Variants in MATN3 observed in about 807,000 individuals in gnomAD.
The protein encoded by MATN3 is matrilin-3.
In MATN3, 48 loss-of-function variants were observed where a neutral mutation model predicts 45.3. That is an observed-to-expected ratio of 1.06 (90% CI 0.84 to 1.35). The LOEUF is 1.35. MATN3 is among the 40% of genes most tolerant of loss of function. The pLI, the probability that MATN3 is intolerant of heterozygous loss-of-function variation, is 0.00. For synonymous variants in MATN3, 217 were observed against 245.9 expected (o/e 0.88, Z 1.10); for missense variants, 599 against 628.0 (o/e 0.95, Z 0.49).
chr2:19,997,463 A>C, intron 5 of MATN3: 1 of 476,792 alleles, frequency 2.1e-6, no homozygotes, highest in South Asian at 3.0e-5. Context: ...CATCACACAC[A>C]CTCCTTTCCT....
In MATN3 at chr2:20,012,376, T is replaced by A. The variant is rs904278481; in HGVS notation, c.223+33A>T. 101 of 1,222,030 alleles carry A rather than the reference T, an allele frequency of 8.3e-5. No homozygotes were observed. The highest frequency in any genetic ancestry group is 9.6e-5 in the Non-Finnish European group (94 of 980,442). The allele number at this position is 1,222,030 out of a possible 1,614,324, so 75.7% of individuals were successfully genotyped here. ...ATGCCCTGGGCTTCTCCTCGTTCGA[T>A]GCTCACGCGTCCCTCCCGCCGCCCG... On this transcript the variant is annotated intron_variant, in intron 1 of 7. Transcript: ENST00000407540. This position sits in a 1 kb window ranked among gnomAD's most constrained non-coding sequence, Gnocchi z 4.3.
rs1673100628 is a variant in MATN3, at chr2:20,006,084, C to T, written c.450G>A (p.Val150=). ...CTGTTGACAAGGGTGTGATTCGACC[C>T]ACGGCCTGCTTCAGGGACTGCTTAT... ...YTDKQSLKQA[V]GRITPLSTGT... is the part of the protein sequence containing the mutation. Residue 150 remains valine, a synonymous_variant, in exon 2 of 8, where the codon GTG becomes GTA. Transcript: ENST00000407540. 2 of 1,613,998 alleles carry T rather than the reference C, an allele frequency of 1.2e-6. No individual in the cohort carries two copies. The highest frequency in any genetic ancestry group is 1.7e-6 in the Non-Finnish European group (2 of 1,179,886).
intron 7 of MATN3, 29 bp downstream of exon 7, chr2:19,994,270 A>G: frequency 6.8e-7 from 1 of 1,478,264 alleles, no homozygotes; most frequent in Non-Finnish European, 9.4e-7. Flanking sequence ...GGCTCCAGGC[A>G]GAAGGAGAAA....
chr2:19,997,976 G>A (rs909737529), intron 5 of MATN3: 6 of 152,202 alleles, frequency 3.9e-5, no homozygotes, highest in Non-Finnish European at 7.3e-5. Context: ...AAATAAAACA[G>A]TAATTCTCCT....
chr2:20,005,613 C>T (rs1008312162), intron 2 of MATN3, 131 bp downstream of exon 2: 1 of 756,990 alleles, frequency 1.3e-6, no homozygotes, highest in Non-Finnish European at 2.1e-6. Context: ...CGTGCACACA[C>T]ACACACGCAT....
At position 20,009,477 on chromosome 2, in the gene MATN3, CA is replaced by C. The variant is rs1354627979; in HGVS notation, c.223+2931del. 2.0e-5 allele frequency among the ~76,000 whole-genome samples: 3 copies of C among 152,060 alleles called. No homozygotes were observed. The East Asian group carries it at 5.8e-4, about 29-fold the overall frequency. On this transcript the variant is annotated intron_variant, in intron 1 of 7. Coordinates refer to ENST00000407540, the MANE Select transcript of MATN3 (RefSeq NM_002381.5). ...GGGAACATCACACACCAGCGCCTGT[CA>C]GGGGGTGGGGGGCAAGAGGAGGGAG...
intron 1 of MATN3, among the ~76,000 whole-genome samples, chr2:20,011,346 C>A (rs947304207): frequency 1.3e-5 from 2 of 152,254 alleles, no homozygotes; most frequent in African/African-American, 4.8e-5. Context: ...CAGCCACCAG[C>A]TGAATCTAGC....
intron 1 of MATN3, among the ~76,000 whole-genome samples, chr2:20,007,611 G>C (rs926980428): frequency 6.6e-6 from 1 of 152,224 alleles, no homozygotes; most frequent in Non-Finnish European, 1.5e-5. Context: ...TGTCTCGTAA[G>C]AAGCAGGGAT....
intron 4 of MATN3, among the ~76,000 whole-genome samples, chr2:20,001,044 T>C (rs1317869576): frequency 6.6e-6 from 1 of 152,204 alleles, no homozygotes; most frequent in Admixed American, 6.5e-5. Context: ...ACATTTTCAT[T>C]CAATGCACTT....
chr2:19,992,981 A>T lies in MATN3; in HGVS notation c.*130T>A. ...AGATCTTCATACAATTTATCCAGTAATATTCAAGCATTAATACAGATAATG... is the reference window on the plus strand; with the variant it reads ...AGATCTTCATACAATTTATCCAGTATTATTCAAGCATTAATACAGATAATG... On this transcript the variant is annotated 3_prime_UTR_variant, in exon 8 of 8. Transcript: ENST00000407540. The T allele has an allele frequency of 2.8e-6, 2 of 713,734 alleles. No individual in the cohort carries two copies. The highest frequency in any genetic ancestry group is 3.3e-5 in the South Asian group (2 of 60,786). 44.2% of individuals were successfully genotyped at this position (713,734 alleles called of 1,614,324 possible).
At chr2:20,005,684 G>T in intron 2 of MATN3, 60 bp downstream of exon 2, 2 of 1,297,212 alleles carry the variant, frequency 1.5e-6, no homozygotes, top group Non-Finnish European at 2.1e-6. Context: ...CTTTTCTCTG[G>T]GTACACAATG....
At chr2:20,010,674 A>C (rs1673204998) in intron 1 of MATN3, among the ~76,000 whole-genome samples, 3 of 152,208 alleles carry the variant, frequency 2.0e-5, no homozygotes, top group Middle Eastern at 3.2e-3. Context: ...TGGAAAGGGA[A>C]GGGAAATGCA....
At chr2:19,999,284 T>G (rs1173151258) in intron 5 of MATN3, 2 of 152,106 alleles carry the variant, frequency 1.3e-5, no homozygotes, top group African/African-American at 2.4e-5. Flanking sequence ...ATAGGTGAGT[T>G]CTCTCCACCC....
At position 20,001,944 on chromosome 2, in the gene MATN3, C is replaced by T; in HGVS notation, c.1042+11G>A. 1 of 1,612,092 alleles carries T rather than the reference C, an allele frequency of 6.2e-7. No homozygotes were observed. The highest frequency in any genetic ancestry group is 8.5e-7 in the Non-Finnish European group (1 of 1,178,916). Reference sequence around the variant, plus strand: ...CTAAGTAGCAATAGTAAAGACTCCTCCCTCACTTACCTGAACAAGTTTTCC... The same window carrying T: ...CTAAGTAGCAATAGTAAAGACTCCTTCCTCACTTACCTGAACAAGTTTTCC... On this transcript the variant is annotated intron_variant, in intron 4 of 7. Transcript: ENST00000407540.
intron 7 of MATN3, 61 bp downstream of exon 7, chr2:19,994,238 G>C: frequency 1.9e-6 from 2 of 1,033,052 alleles, no homozygotes; most frequent in Non-Finnish European, 3.0e-6. Context: ...AAAGTGTTTG[G>C]CTCGATCGTA....
At position 20,012,314 on chromosome 2, in the gene MATN3, CGGT is replaced by C; in HGVS notation, c.223+92_223+94del. ...GGAGGGGCCTCTTTCCCCCGCACCA[CGGT>C]CGGCCTGAGGCCGGGATGAAGCGCG... On this transcript the variant is annotated intron_variant, in intron 1 of 7. Transcript: ENST00000407540. This position sits in a 1 kb window ranked among gnomAD's most constrained non-coding sequence, Gnocchi z 4.3. The C allele has an allele frequency of 1.0e-6, 1 of 972,170 alleles. No individual in the cohort carries two copies. The highest frequency in any genetic ancestry group is 1.3e-6 in the Non-Finnish European group (1 of 753,506). The allele number at this position is 972,170 out of a possible 1,614,324, so 60.2% of individuals were successfully genotyped here. A position where few individuals can be genotyped will look rare whatever the true frequency, so the allele number is the denominator to read the frequency against.
At chr2:20,007,256 G>A (rs1031621592) in intron 1 of MATN3, among the ~76,000 whole-genome samples, 2 of 151,564 alleles carry the variant, frequency 1.3e-5, no homozygotes, top group Non-Finnish European at 2.9e-5. Context: ...GCCCGGGCGC[G>A]GTGGCTCACG....
At chr2:19,994,000 G>A (rs1475226519) in intron 7 of MATN3, among the ~76,000 whole-genome samples, 1 of 152,162 alleles carries the variant, frequency 6.6e-6, no homozygotes, top group African/African-American at 2.4e-5. Flanking sequence ...CCATATTAAG[G>A]AGTCATTAGC....
chr2:19,996,701 G>A (rs1402600631), intron 6 of MATN3, among the ~76,000 whole-genome samples: 1 of 152,140 alleles, frequency 6.6e-6, no homozygotes, highest in Non-Finnish European at 1.5e-5. Context: ...TGGGCTGAGG[G>A]GAGCGGGTGA....
Sources: allele counts gnomAD v4.1 joint callset (sites outside exome capture counted in the v4.1 genomes callset), GRCh38; gene constraint gnomAD v4.1.1; non-coding constraint Gnocchi (gnomAD v3.1); transcripts MANE v1.5; gene names NCBI Gene and HGNC (gene_info 2026-07-23, HGNC 2026-07-21).